ANKHD1: variants seen among roughly 807,000 people sequenced by gnomAD.
The protein encoded by ANKHD1 is ankyrin repeat and KH domain-containing protein 1.
Under a neutral mutation model 230.5 loss-of-function variants are expected in ANKHD1, and 31 were observed. The ratio of observed to expected loss-of-function variants is 0.13; its 90% CI spans 0.10 to 0.18. The LOEUF (loss-of-function observed/expected upper bound fraction) is 0.18, where lower values mean the gene tolerates loss of function less well. Among genes scored for constraint, ANKHD1 ranks in the 10% least tolerant of loss-of-function variants. The pLI is 1.00. For missense variants in ANKHD1, 2,256 were observed against 3,071.3 expected (o/e 0.73, Z 6.27); for synonymous variants, 1,074 against 1,117.6 (o/e 0.96, Z 0.78).
chr5:140,532,903 C>T (rs1753896379), intron 29 of ANKHD1: 2 of 320,378 alleles, frequency 6.2e-6, no homozygotes, highest in South Asian at 4.4e-5. Context: ...TCAAGACCAG[C>T]CTGGCCAACA....
chr5:140,500,116 G>A (rs1032689676), intron 15 of ANKHD1, among the ~76,000 whole-genome samples: 1 of 152,018 alleles, frequency 6.6e-6, no homozygotes, highest in Non-Finnish European at 1.5e-5. Context: ...TGATCCACCT[G>A]CATCGGCCTC....
intron 14 of ANKHD1, among the ~76,000 whole-genome samples, chr5:140,488,496 G>T (rs1183838933): frequency 6.6e-6 from 1 of 151,686 alleles, no homozygotes; most frequent in African/African-American, 2.4e-5. Flanking sequence ...TGAGGCAGGA[G>T]AATCGCTTGA....
chr5:140,535,892 T>TAAAAAA, intron 30 of ANKHD1: 1 of 104,780 alleles, frequency 9.5e-6, no homozygotes, highest in South Asian at 3.3e-4. Context: ...CTGTCTCTAT[T>TAAAAAA]AAAAAAAAAA....
chr5:140,417,439 T>C (rs1771484547), intron 1 of ANKHD1, among the ~76,000 whole-genome samples: 2 of 151,684 alleles, frequency 1.3e-5, no homozygotes, highest in Middle Eastern at 3.2e-3. Context: ...ATTTTTTAAT[T>C]TAAAATTTTT....
rs188170982 is a variant in ANKHD1 at position 140,428,647 on chromosome 5, C to G, written c.307-7457C>G. Among the ~76,000 whole-genome samples the G allele has an allele frequency of 6.1e-3, 934 of 152,068 alleles. 9 individuals carry two copies. The highest frequency in any genetic ancestry group is 0.022 in the African/African-American group (902 of 41,478). On this transcript the variant is annotated intron_variant, in intron 1 of 33. Transcript: ENST00000360839. ...CGTGGAAAGAGAGGGAGAGGGAGACCGTGGGGAGAGGGAGAGGGCGAGGGC... is the reference window on the plus strand; with the variant it reads ...CGTGGAAAGAGAGGGAGAGGGAGACGGTGGGGAGAGGGAGAGGGCGAGGGC...
At chr5:140,533,431 T>C (rs746821704) in intron 29 of ANKHD1, among the ~76,000 whole-genome samples, 1 of 151,998 alleles carries the variant, frequency 6.6e-6, no homozygotes. Flanking sequence ...ACCCCATCTC[T>C]ACTAAAAATA....
At chr5:140,435,983 TATA>T in intron 1 of ANKHD1, 118 bp from the exon 2 acceptor site, 1 of 1,274,000 alleles carries the variant, frequency 7.8e-7, no homozygotes, top group South Asian at 2.0e-5. Flanking sequence ...CCCTTGTTTC[TATA>T]ATAATTTTTC....
At chr5:140,461,413 A>G (rs1389298592) in intron 9 of ANKHD1, among the ~76,000 whole-genome samples, 1 of 152,168 alleles carries the variant, frequency 6.6e-6, no homozygotes, top group Non-Finnish European at 1.5e-5. Context: ...TTTTCCACCC[A>G]GTTTTAAGGG....
intron 1 of ANKHD1, among the ~76,000 whole-genome samples, chr5:140,427,149 A>ACCCC (rs1259127169): frequency 7.6e-6 from 1 of 131,370 alleles, no homozygotes; most frequent in African/African-American, 3.0e-5. Context: ...CAGGGGGCTG[A>ACCCC]CCCCCCCCAC....
chr5:140,497,251 A>G lies in ANKHD1; in HGVS notation c.2977A>G (p.Thr993Ala). ...LMVATPAQTL[T>A]DTLDDLIAAV... The stretch of plus-strand genomic sequence containing the variant: ...GGTTGCAACTCCAGCTCAGACGCTT[A>G]CCGACACTCTTGATGACCTGATAGC... The change falls in exon 15 of 34, where the codon ACC (threonine) becomes GCC (alanine). Residue 993 changes from threonine (T) to alanine (A), a missense_variant. Thr to Ala is a moderately conservative substitution (Grantham distance 58). Coordinates refer to ENST00000360839, the MANE Select transcript of ANKHD1 (RefSeq NM_017747.3). The G allele has an allele frequency of 6.2e-7, 1 of 1,605,724 alleles. No homozygotes were observed. Among genetic ancestry groups the G allele is most frequent in the Non-Finnish European group, 8.5e-7 (1 of 1,179,816 alleles).
chr5:140,450,729 A>G (rs1774666718), intron 7 of ANKHD1, among the ~76,000 whole-genome samples: 1 of 152,150 alleles, frequency 6.6e-6, no homozygotes, highest in South Asian at 2.1e-4. Flanking sequence ...TTGTAGAGAC[A>G]GCATCTCACT....
chr5:140,482,035 G>A (rs1156816226), intron 10 of ANKHD1, among the ~76,000 whole-genome samples: 1 of 151,896 alleles, frequency 6.6e-6, no homozygotes, highest in Non-Finnish European at 1.5e-5. Flanking sequence ...GCTATTAGGA[G>A]TTGTATCTTT....
chr5:140,518,329 A>T (rs1753145239), intron 24 of ANKHD1, among the ~76,000 whole-genome samples: 1 of 152,126 alleles, frequency 6.6e-6, no homozygotes. Flanking sequence ...CCAAGACCAG[A>T]TGGATTCACA....
chr5:140,463,938 G>T (rs1775900947), intron 9 of ANKHD1, among the ~76,000 whole-genome samples: 1 of 152,028 alleles, frequency 6.6e-6, no homozygotes, highest in Admixed American at 6.6e-5. Context: ...CTCCCAAAGT[G>T]CAAGGGTTAC....
At chr5:140,426,720 T>A (rs1409861818) in intron 1 of ANKHD1, among the ~76,000 whole-genome samples, 1 of 152,098 alleles carries the variant, frequency 6.6e-6, no homozygotes, top group African/African-American at 2.4e-5. Context: ...TGATGACTCT[T>A]AAAGAGCATG....
Position 140,401,909 on chromosome 5 carries a change from A to G in ANKHD1, c.-59A>G, listed in dbSNP as rs763487946. On this transcript the variant is annotated 5_prime_UTR_variant, in exon 1 of 34. Transcript: ENST00000360839. ...TCTTGCTGCTCTTCTCGTTCCCGAG[A>G]TCAGCGGCGGCGGTGACCGCGAGTG... 4.7e-5 allele frequency: 71 copies of G among 1,515,886 alleles called. No homozygotes were observed. The Middle Eastern group carries it at 9.0e-4, about 19-fold the overall frequency. The allele number at this position is 1,515,886 out of a possible 1,614,324, so 93.9% of individuals were successfully genotyped here. A position where few individuals can be genotyped will look rare whatever the true frequency, so the allele number is the denominator to read the frequency against.
At chr5:140,453,572 G>C (rs952922283) in intron 7 of ANKHD1, among the ~76,000 whole-genome samples, 1 of 152,204 alleles carries the variant, frequency 6.6e-6, no homozygotes, top group Admixed American at 6.5e-5. Context: ...CATTCTTAAA[G>C]AAAAGAATTT....
At chr5:140,439,851 A>T (rs1773727206) in intron 3 of ANKHD1, among the ~76,000 whole-genome samples, 1 of 152,174 alleles carries the variant, frequency 6.6e-6, no homozygotes. Flanking sequence ...AAAAAACTTT[A>T]TTTAAAATTT....
At chr5:140,418,048 T>C (rs1426823725) in intron 1 of ANKHD1, among the ~76,000 whole-genome samples, 1 of 150,464 alleles carries the variant, frequency 6.6e-6, no homozygotes, top group Non-Finnish European at 1.5e-5. Flanking sequence ...CACCATGTTG[T>C]CCAGGCCAGT....
Sources: allele counts gnomAD v4.1 joint callset (sites outside exome capture counted in the v4.1 genomes callset), GRCh38; gene constraint gnomAD v4.1.1; transcripts MANE v1.5; gene names NCBI Gene and HGNC (gene_info 2026-07-23, HGNC 2026-07-21).